The following C8orf82 variants were observed in gnomAD, a reference collection of about 807,000 sequenced individuals.
C8orf82 encodes chromosome 8 open reading frame 82.
A neutral mutation model predicts 15.0 loss-of-function variants in C8orf82; 24 were observed. That is an observed-to-expected ratio of 1.60 (90% confidence interval 1.16 to 2.24). The LOEUF is 2.24. Among genes scored for constraint, C8orf82 ranks in the 30% most tolerant of loss-of-function variants. C8orf82 has a pLI of 0.00. For missense variants in C8orf82, 388 were observed against 317.4 expected, an observed-to-expected ratio of 1.22 and a Z score of -1.69; for synonymous variants, 205 against 152.2, an observed-to-expected ratio of 1.35 and a Z score of -2.55.
Position 144,527,032 on chromosome 8 carries a change from AG to A in C8orf82, c.*309del, listed in dbSNP as rs975362299. 1 of 156,526 alleles carries A rather than the reference AG, an allele frequency of 6.4e-6. No homozygotes were observed. Among genetic ancestry groups the A allele is most frequent in the Non-Finnish European group, 1.4e-5 (1 of 71,246 alleles). The allele number at this position is 156,526 out of a possible 1,614,324, so 9.7% of individuals were successfully genotyped here. A position where few individuals can be genotyped will look rare whatever the true frequency, so the allele number is the denominator to read the frequency against. ...GGGCCCGAGCAGTCGCCGGGCTGGG[AG>A]GGGGCGGGGGACGCTCGCGCACGCG... On this transcript the variant is annotated 3_prime_UTR_variant, in exon 3 of 3. Coordinates refer to ENST00000524821, the MANE Select transcript of C8orf82 (RefSeq NM_001001795.2).
At position 144,527,124 on chromosome 8, in the gene C8orf82, G is replaced by A. The variant is rs2130802878; in HGVS notation, c.*218C>T. ...AGCGCAGGCCAATCCGGAGGGCGCC[G>A]GAGTCGGGTGCGCGGGGGGCGCGCG... On this transcript the variant is annotated 3_prime_UTR_variant, in exon 3 of 3. Coordinates refer to ENST00000524821, the MANE Select transcript of C8orf82 (RefSeq NM_001001795.2). 9.5e-6 allele frequency: 2 copies of A among 211,144 alleles called. No individual in the cohort carries two copies. Among genetic ancestry groups the A allele is most frequent in the East Asian group, 1.3e-4 (1 of 7,650 alleles). The allele number at this position is 211,144 out of a possible 1,614,324, so 13.1% of individuals were successfully genotyped here. A position where few individuals can be genotyped will look rare whatever the true frequency, so the allele number is the denominator to read the frequency against.
At chr8:144,528,662 G>A (rs1362798345) in intron 1 of C8orf82, 99 bp downstream of exon 1, 89 of 412,348 alleles carry the variant, frequency 2.2e-4, no homozygotes, top group Admixed American at 8.5e-4. Context: ...CCCGCCCCTC[G>A]AGCAATGGTC....
At position 144,528,280 on chromosome 8, in the gene C8orf82, G is replaced by A. The variant is rs555240042; in HGVS notation, c.157-208C>T. 10 of 1,507,198 alleles carry A rather than the reference G, an allele frequency of 6.6e-6. No individual in the cohort carries two copies. The Admixed American group carries it at 1.6e-4, about 25-fold the overall frequency. 93.4% of individuals were successfully genotyped at this position (1,507,198 alleles called of 1,614,324 possible). ...CGTCTATGCGCACCTCTGCTCCCTG[G>A]TCAGCCAATTCTTTCCCGCACCTTT... On this transcript the variant is annotated intron_variant, in intron 1 of 2. Transcript: ENST00000524821.
At chr8:144,528,093 C>T (rs778590897) in intron 1 of C8orf82, 21 bp from the exon 2 acceptor site, 3 of 1,611,866 alleles carry the variant, frequency 1.9e-6, no homozygotes, top group Non-Finnish European at 2.5e-6. Context: ...AGGGCCAGGC[C>T]GTGATAAGTC....
At position 144,527,470 on chromosome 8, in the gene C8orf82, C is replaced by A; in HGVS notation, c.523G>T (p.Glu175Ter). ...CCGTACTCGAAGCAGGCGCTGAGCT[C>A]GAAGGCCAGGGCGGAGCGCACCAGG... ...VGLVRSALAF[E>*]LSACFEYGPG... Residue 175 changes from glutamate to a stop codon, truncating the protein, a stop_gained, in exon 3 of 3, where the codon GAG (glutamate) becomes TAG (stop). Coordinates refer to ENST00000524821, the MANE Select transcript of C8orf82 (RefSeq NM_001001795.2). LOFTEE classifies it high-confidence loss of function. 8.0e-7 allele frequency: 1 copy of A among 1,248,432 alleles called. No homozygotes were observed. Among genetic ancestry groups the A allele is most frequent in the Non-Finnish European group, 1.0e-6 (1 of 995,136 alleles). The allele number at this position is 1,248,432 out of a possible 1,614,324, so 77.3% of individuals were successfully genotyped here.
At position 144,529,083 on chromosome 8, in the gene C8orf82, T is replaced by G. The variant is rs1020754688; in HGVS notation, c.-167A>C. On this transcript the variant is annotated 5_prime_UTR_variant, in exon 1 of 3. Coordinates refer to ENST00000524821, the MANE Select transcript of C8orf82 (RefSeq NM_001001795.2). ...TCGGGCCTCGGGGGCTCGCCCGCCC[T>G]GGCCTTCCGAGAGGCGTGTGCCGGT... is the stretch of plus-strand genomic sequence containing the variant. 6 of 626,516 alleles carry G rather than the reference T, an allele frequency of 9.6e-6. No individual in the cohort carries two copies. In the South Asian group the frequency reaches 1.3e-4, roughly 13 times the overall value. The allele number at this position is 626,516 out of a possible 1,614,324, so 38.8% of individuals were successfully genotyped here. A position where few individuals can be genotyped will look rare whatever the true frequency, so the allele number is the denominator to read the frequency against.
intron 1 of C8orf82, 194 bp from the exon 2 acceptor site, chr8:144,528,266 A>C (rs996037659): frequency 3.1e-5 from 46 of 1,500,348 alleles, no homozygotes; most frequent in Non-Finnish European, 4.0e-5. Context: ...GTCTATGCGC[A>C]CCTCTGCTCC....
In C8orf82 at chr8:144,527,394, A is replaced by AGGC; in HGVS notation, c.596_598dup (p.Arg199dup). On this transcript the variant is annotated inframe_insertion, in exon 3 of 3. Coordinates refer to ENST00000524821, the MANE Select transcript of C8orf82 (RefSeq NM_001001795.2). ...CGGGGCCAGGTCCATGGTGAGGGCG[A>AGGC]GGCGGCGGCCCTGCCAGCGCACGTG... The AGGC allele has an allele frequency of 8.1e-7, 1 of 1,241,172 alleles. No individual in the cohort carries two copies. The highest frequency in any genetic ancestry group is 1.0e-6 in the Non-Finnish European group (1 of 987,520). 76.9% of individuals were successfully genotyped at this position (1,241,172 alleles called of 1,614,324 possible). A position where few individuals can be genotyped will look rare whatever the true frequency, so the allele number is the denominator to read the frequency against.
chr8:144,527,939 TG>T, intron 2 of C8orf82, 84 bp downstream of exon 2: 1 of 1,533,048 alleles, frequency 6.5e-7, no homozygotes, highest in Non-Finnish European at 9.0e-7. Flanking sequence ...CTTGGTGCGC[TG>T]GGCCCGTCGG....
Position 144,527,664 on chromosome 8 carries a change from C to G in C8orf82, c.329G>C (p.Arg110Pro). The G allele has an allele frequency of 3.2e-6, 5 of 1,556,710 alleles. No individual in the cohort carries two copies. Among genetic ancestry groups the G allele is most frequent in the Non-Finnish European group, 4.3e-6 (5 of 1,158,920 alleles). ...RERNFLRCEDRPVVFTHLLTA... is the reference protein window; with the variant it reads ...RERNFLRCEDPPVVFTHLLTA... The stretch of plus-strand genomic sequence containing the variant: ...CAGCAGGTGCGTGAAGACCACCGGC[C>G]GGTCCTCGCAGCGCAGGAAGTTGCG... Residue 110 changes from arginine to proline, a missense_variant, in exon 3 of 3, where the codon CGG (arginine) becomes CCG (proline). Coordinates refer to ENST00000524821, the MANE Select transcript of C8orf82 (RefSeq NM_001001795.2).
intron 1 of C8orf82, chr8:144,528,389 C>G: frequency 6.7e-7 from 1 of 1,496,918 alleles, no homozygotes; most frequent in Non-Finnish European, 8.9e-7. Flanking sequence ...ATGCAGCTGC[C>G]TTTTGACAGG....
In C8orf82 at chr8:144,528,781, A is replaced by G. The variant is rs1236580432; in HGVS notation, c.136T>C (p.Tyr46His). The G allele has an allele frequency of 1.4e-6, 2 of 1,382,214 alleles. No homozygotes were observed. The highest frequency in any genetic ancestry group is 1.5e-5 in the African/African-American group (1 of 64,716). 85.6% of individuals were successfully genotyped at this position (1,382,214 alleles called of 1,614,324 possible). ...CCCACCTGGCCCTGGTGGTCCACGTAGTAGAAATACTCGCGGGTCCGCGGC... is the reference window on the plus strand; with the variant it reads ...CCCACCTGGCCCTGGTGGTCCACGTGGTAGAAATACTCGCGGGTCCGCGGC... ...PEPRTREYFYYVDHQGQLFLD... is the reference protein window; with the variant it reads ...PEPRTREYFYHVDHQGQLFLD... Residue 46 changes from tyrosine to histidine, a missense_variant, in exon 1 of 3, where the codon TAC becomes CAC. By Grantham distance (83) the Tyr-to-His change is moderately conservative. Transcript: ENST00000524821.
In C8orf82 at chr8:144,527,378, G is replaced by T; in HGVS notation, c.615C>A (p.Asp205Glu). The change falls in exon 3 of 3, where the codon GAC becomes GAA. Residue 205 changes from aspartate (D) to glutamate (E), a missense_variant. Coordinates refer to ENST00000524821, the MANE Select transcript of C8orf82 (RefSeq NM_001001795.2). ...WQGRRLALTM[D>E]LAPLLLAARS... ...GAGCCGCGAGCAGCAGCGGGGCCAG[G>T]TCCATGGTGAGGGCGAGGCGGCGGC... 1 of 1,239,520 alleles carries T rather than the reference G, an allele frequency of 8.1e-7. No individual in the cohort carries two copies. Among genetic ancestry groups the T allele is most frequent in the Non-Finnish European group, 1.0e-6 (1 of 985,988 alleles). The allele number at this position is 1,239,520 out of a possible 1,614,324, so 76.8% of individuals were successfully genotyped here.
Position 144,527,368 on chromosome 8 carries a change from G to T in C8orf82, c.625C>A (p.Leu209Met). The T allele has an allele frequency of 4.9e-6, 6 of 1,223,254 alleles. No homozygotes were observed. Among genetic ancestry groups the T allele is most frequent in the Non-Finnish European group, 5.1e-6 (5 of 976,514 alleles). The allele number at this position is 1,223,254 out of a possible 1,614,324, so 75.8% of individuals were successfully genotyped here. Residue 209 changes from leucine to methionine, a missense_variant, in exon 3 of 3, where the codon CTG becomes ATG. Transcript: ENST00000524821. ...RLALTMDLAP[L>M]LLAARSP ...CAGGGCGACCGAGCCGCGAGCAGCA[G>T]CGGGGCCAGGTCCATGGTGAGGGCG...
rs918767631 is a variant in C8orf82, at chr8:144,528,939, C to G, written c.-23G>C. On this transcript the variant is annotated 5_prime_UTR_variant, in exon 1 of 3. Coordinates refer to ENST00000524821, the MANE Select transcript of C8orf82 (RefSeq NM_001001795.2). The stretch of plus-strand genomic sequence containing the variant: ...CATTCTCCTCCCGCGCCGGAAGCGA[C>G]CAGCAGGTCACGCCGGGGGCGGTGC... The G allele has an allele frequency of 6.7e-7, 1 of 1,497,340 alleles. No homozygotes were observed. The highest frequency in any genetic ancestry group is 2.0e-4 in the Middle Eastern group (1 of 4,994). The allele number at this position is 1,497,340 out of a possible 1,614,324, so 92.8% of individuals were successfully genotyped here. A position where few individuals can be genotyped will look rare whatever the true frequency, so the allele number is the denominator to read the frequency against.
In C8orf82 at chr8:144,528,091, G is replaced by T. The variant is rs116656925; in HGVS notation, c.157-19C>A. On this transcript the variant is annotated intron_variant, in intron 1 of 2. Transcript: ENST00000524821. ...GGAAAAGCTGCAGATAGAGGGCCAG[G>T]CCGTGATAAGTCCCAGCGTGCAGGT... 4.2e-3 allele frequency: 6,742 copies of T among 1,612,030 alleles called. 255 individuals carry two copies. The African/African-American group carries it at 0.077, about 19-fold the overall frequency.
intron 1 of C8orf82, chr8:144,528,420 C>T: frequency 6.7e-7 from 1 of 1,488,622 alleles, no homozygotes; most frequent in Non-Finnish European, 9.0e-7. Flanking sequence ...AAAGGCAGGG[C>T]GGCCCGGGTG....
intron 1 of C8orf82, chr8:144,528,298 G>C (rs1213532409): frequency 6.6e-7 from 1 of 1,508,742 alleles, no homozygotes; most frequent in South Asian, 1.2e-5. Context: ...ATTCTTTCCC[G>C]CACCTTTTCC....
rs115228909 is a variant in C8orf82, at chr8:144,528,803, C to T, written c.114G>A (p.Pro38=). The T allele has an allele frequency of 6.8e-7, 1 of 1,469,320 alleles. No homozygotes were observed. Among genetic ancestry groups the T allele is most frequent in the African/African-American group, 1.5e-5 (1 of 67,184 alleles). The allele number at this position is 1,469,320 out of a possible 1,614,324, so 91.0% of individuals were successfully genotyped here. ...CGTAGTAGAAATACTCGCGGGTCCG[C>T]GGCTCCGGACTCTGGCCCTGCGTGT... is the stretch of plus-strand genomic sequence containing the variant. ...VSYTQGQSPE[P]RTREYFYYVD... The change falls in exon 1 of 3, where the codon CCG becomes CCA. Residue 38 remains proline (P), a synonymous_variant. Transcript: ENST00000524821.
Sources: gnomAD v4.1 joint callset for allele counts on GRCh38, gnomAD v4.1.1 for gene constraint, MANE v1.5 for transcripts, NCBI Gene and HGNC (gene_info 2026-07-23, HGNC 2026-07-21) for gene names.